LRP2: variants seen among roughly 807,000 people sequenced by gnomAD.
LRP2 encodes low-density lipoprotein receptor-related protein 2.
In LRP2, 172 loss-of-function variants were observed where a neutral mutation model predicts 531.0. That is an observed-to-expected ratio of 0.32 (90% CI 0.29 to 0.37). The LOEUF is 0.37. Among genes scored for constraint, LRP2 ranks in the 10% least tolerant of loss-of-function variants. LRP2 has a pLI of 1.00. For synonymous variants in LRP2, 1,992 were observed against 2,027.6 expected (o/e 0.98, Z 0.47); for missense variants, 5,167 against 5,868.3 (o/e 0.88, Z 3.90).
At chr2:169,144,383 C>T (rs1466034487) in intron 70 of LRP2, among the ~76,000 whole-genome samples, 8 of 142,170 alleles carry the variant, frequency 5.6e-5, no homozygotes, top group African/African-American at 2.1e-4. Context: ...TCCCCACCCC[C>T]ACCCCCACCC....
At chr2:169,357,056 A>C (rs1686007035) in intron 1 of LRP2, among the ~76,000 whole-genome samples, 1 of 152,264 alleles carries the variant, frequency 6.6e-6, no homozygotes, top group Admixed American at 6.5e-5. Context: ...TAGTGGTAAA[A>C]ATTTTTAATT....
chr2:169,280,833 T>A (rs1683684770), intron 10 of LRP2, among the ~76,000 whole-genome samples: 1 of 152,180 alleles, frequency 6.6e-6, no homozygotes. Context: ...TTCTCAGATA[T>A]TTTCGAGACT....
intron 9 of LRP2, among the ~76,000 whole-genome samples, chr2:169,285,121 C>T (rs1479266118): frequency 4.2e-5 from 6 of 143,288 alleles, no homozygotes; most frequent in Non-Finnish European, 7.6e-5. Context: ...CTAGCCTGGG[C>T]AATATGGCAA....
At position 169,362,474 on chromosome 2, in the gene LRP2, C is replaced by T; in HGVS notation, c.-75G>A. ...GCGTAGCACACCGCACCGGCAGCGCCTCTGCTAGCGAACGCTCCTTTAGGT... is the reference window on the plus strand; with the variant it reads ...GCGTAGCACACCGCACCGGCAGCGCTTCTGCTAGCGAACGCTCCTTTAGGT... On this transcript the variant is annotated 5_prime_UTR_variant, in exon 1 of 79. Transcript: ENST00000649046. The T allele has an allele frequency of 7.6e-7, 1 of 1,317,538 alleles. No homozygotes were observed. The highest frequency in any genetic ancestry group is 1.3e-5 in the South Asian group (1 of 79,636). 81.6% of individuals were successfully genotyped at this position (1,317,538 alleles called of 1,614,324 possible). A position where few individuals can be genotyped will look rare whatever the true frequency, so the allele number is the denominator to read the frequency against.
intron 4 of LRP2, among the ~76,000 whole-genome samples, chr2:169,299,581 C>T (rs748406460): frequency 3.3e-5 from 5 of 150,632 alleles, no homozygotes; most frequent in African/African-American, 1.2e-4. Context: ...CAAAAGTGAC[C>T]GAGCAACAAG....
chr2:169,311,290 G>A (rs1028874261), intron 3 of LRP2, among the ~76,000 whole-genome samples: 2 of 152,182 alleles, frequency 1.3e-5, no homozygotes, highest in Non-Finnish European at 2.9e-5. Context: ...TAATTGTGAT[G>A]TTAGGGTGTC....
Position 169,226,411 on chromosome 2 carries a change from T to A in LRP2, c.5394+11A>T. The A allele has an allele frequency of 1.9e-6, 3 of 1,608,700 alleles. No individual in the cohort carries two copies. Among genetic ancestry groups the A allele is most frequent in the Non-Finnish European group, 2.6e-6 (3 of 1,175,470 alleles). On this transcript the variant is annotated intron_variant, in intron 32 of 78. Coordinates refer to ENST00000649046, the MANE Select transcript of LRP2 (RefSeq NM_004525.3). ...ATAAATTATATACTTTGAATGTTAT[T>A]CAAAACTTACTGGATTTTCAACCCA...
intron 50 of LRP2, among the ~76,000 whole-genome samples, chr2:169,184,397 C>T (rs762638488): frequency 5.9e-5 from 9 of 152,196 alleles, no homozygotes; most frequent in Non-Finnish European, 1.2e-4. Flanking sequence ...TGTCCCCACC[C>T]ATTTTAGGAT....
chr2:169,244,807 G>T lies in LRP2; in HGVS notation c.3316C>A (p.Pro1106Thr). ...SDEHNCPTHA[P>T]ASCLDTQYTC... ...TATTGGGTGTCAAGGCAGGAAGCAG[G>T]TGCGTGGGTGGGGCAGTTGTGCTCA... Residue 1106 changes from proline (P) to threonine (T), a missense_variant, in exon 22 of 79, where the codon CCT becomes ACT. By Grantham distance (38) the Pro-to-Thr change is conservative. Coordinates refer to ENST00000649046, the MANE Select transcript of LRP2 (RefSeq NM_004525.3). 6.2e-7 allele frequency: 1 copy of T among 1,614,248 alleles called. No homozygotes were observed. The highest frequency in any genetic ancestry group is 8.5e-7 in the Non-Finnish European group (1 of 1,180,054).
intron 26 of LRP2, 65 bp downstream of exon 26, chr2:169,239,462 T>G (rs1279407894): frequency 1.2e-6 from 2 of 1,612,836 alleles, no homozygotes; most frequent in African/African-American, 1.3e-5. Context: ...AATACCTACA[T>G]GTGCCATTTG....
At chr2:169,309,585 C>A (rs1253270636) in intron 3 of LRP2, among the ~76,000 whole-genome samples, 1 of 152,058 alleles carries the variant, frequency 6.6e-6, no homozygotes, top group Non-Finnish European at 1.5e-5. Context: ...TGGTCTATAT[C>A]TGTGTTTTGG....
intron 68 of LRP2, 84 bp downstream of exon 68, chr2:169,150,814 G>GA (rs552792040): frequency 2.8e-4 from 434 of 1,549,918 alleles, no homozygotes; most frequent in Middle Eastern, 3.8e-4. Flanking sequence ...GTTAAACTAG[G>GA]AAAAAAAAAT....
Position 169,177,934 on chromosome 2 carries a change from T to TA in LRP2, c.10261dup (p.Tyr3421LeufsTer17). On this transcript the variant is annotated frameshift_variant, in exon 53 of 79. Coordinates refer to ENST00000649046, the MANE Select transcript of LRP2 (RefSeq NM_004525.3). LOFTEE classifies it high-confidence loss of function. ...TGTCCTTGTATTCCAATCTGTCCAA[T>TA]AAATAGTGTCTTCAAAAATGGTAAT... The TA allele has an allele frequency of 1.2e-6, 2 of 1,614,180 alleles. No homozygotes were observed. The highest frequency in any genetic ancestry group is 1.7e-6 in the Non-Finnish European group (2 of 1,180,034).
At chr2:169,356,907 G>A (rs924855481) in intron 1 of LRP2, among the ~76,000 whole-genome samples, 4 of 152,120 alleles carry the variant, frequency 2.6e-5, no homozygotes, top group African/African-American at 9.7e-5. Flanking sequence ...TTTTAATTGC[G>A]AGATATGTAG....
At chr2:169,331,494 T>G (rs1296752552) in intron 1 of LRP2, among the ~76,000 whole-genome samples, 3 of 151,774 alleles carry the variant, frequency 2.0e-5, no homozygotes, top group Non-Finnish European at 2.9e-5. Flanking sequence ...GCTAAGTCAC[T>G]GAGGTTCCTG....
Position 169,246,778 on chromosome 2 carries a change from C to T in LRP2, c.3117G>A (p.Val1039=), listed in dbSNP as rs1320253847. ...FSFPCKNGRC[V]PNYYLCDGVD... Reference sequence around the variant, plus strand: ...CTCCATCACAGAGATAGTAATTGGGCACACATCTGCCATTTTTACAGGGGA... The same window carrying T: ...CTCCATCACAGAGATAGTAATTGGGTACACATCTGCCATTTTTACAGGGGA... The change falls in exon 21 of 79, where the codon GTG becomes GTA. Residue 1039 remains valine, a synonymous_variant. Transcript: ENST00000649046. 1 of 1,614,164 alleles carries T rather than the reference C, an allele frequency of 6.2e-7. No homozygotes were observed. The highest frequency in any genetic ancestry group is 2.2e-5 in the East Asian group (1 of 44,874).
rs1265776741 is a variant in LRP2 at position 169,233,575 on chromosome 2, G to C, written c.4934C>G (p.Pro1645Arg). Residue 1645 changes from proline (P) to arginine (R), a missense_variant, in exon 30 of 79, where the codon CCC becomes CGC. Transcript: ENST00000649046. ...GTCTTCAAAGAGAGTTAGGGCATAG[G>C]GGTGCCGTATAATCTGTGAGGCAGA... ...VIASDLIIRH[P>R]YALTLFEDSV... 1.2e-6 allele frequency: 2 copies of C among 1,614,094 alleles called. No individual in the cohort carries two copies. Among genetic ancestry groups the C allele is most frequent in the South Asian group, 2.2e-5 (2 of 91,078 alleles).
intron 47 of LRP2, among the ~76,000 whole-genome samples, 198 bp from the exon 48 acceptor site, chr2:169,192,231 G>A (rs1397220788): frequency 6.6e-6 from 1 of 152,006 alleles, no homozygotes; most frequent in Non-Finnish European, 1.5e-5. Context: ...TTTGGACCCT[G>A]GCTTTTTCAA....
chr2:169,226,721 G>A (rs1689213780), intron 31 of LRP2, 133 bp from the exon 32 acceptor site: 2 of 738,424 alleles, frequency 2.7e-6, no homozygotes, highest in Non-Finnish European at 4.7e-6. Context: ...TAAATATAAT[G>A]TACTTCATCA....
Sources: gnomAD v4.1 joint callset for allele counts (sites outside exome capture counted in the v4.1 genomes callset) on GRCh38, gnomAD v4.1.1 for gene constraint, MANE v1.5 for transcripts, NCBI Gene and HGNC (gene_info 2026-07-23, HGNC 2026-07-21) for gene names.